The following LRCH1 variants were observed in gnomAD, a reference collection of about 807,000 sequenced individuals.
LRCH1 encodes leucine-rich repeat and calponin homology domain-containing protein 1.
In LRCH1, 23 loss-of-function variants were observed where a neutral mutation model predicts 94.9. That is an observed-to-expected ratio of 0.24 (90% confidence interval 0.17 to 0.34). The LOEUF (loss-of-function observed/expected upper bound fraction) is 0.34. Ranked by LOEUF, LRCH1 falls within the 10% of genes least tolerant of loss-of-function variation. LRCH1 has a pLI of 1.00. For missense variants in LRCH1, 790 were observed against 945.9 expected, an observed-to-expected ratio of 0.84 and a Z score of 2.16; for synonymous variants, 364 against 354.9, an observed-to-expected ratio of 1.03 and a Z score of -0.29.
intron 1 of LRCH1, among the ~76,000 whole-genome samples, chr13:46,599,647 TTAG>T (rs1346578254): frequency 2.0e-5 from 3 of 152,252 alleles, no homozygotes; most frequent in African/African-American, 7.2e-5. Flanking sequence ...ATTATTAAAC[TTAG>T]TAGCATTTAT....
rs181264804 is a variant in LRCH1 at position 46,593,055 on chromosome 13, C to T, written c.307+39352C>T. 3.8e-3 allele frequency among the ~76,000 whole-genome samples: 574 copies of T among 151,680 alleles called. 7 individuals carry two copies. Among genetic ancestry groups the T allele is most frequent in the African/African-American group, 0.012 (509 of 41,340 alleles). Reference sequence around the variant, plus strand: ...GCCCCAATGTAGCCTTTCCTGCTTGCCTTTAAACTGGGAGTAATATCCTCC... The same window carrying T: ...GCCCCAATGTAGCCTTTCCTGCTTGTCTTTAAACTGGGAGTAATATCCTCC... On this transcript the variant is annotated intron_variant, in intron 1 of 19. Transcript: ENST00000389797.
intron 1 of LRCH1, among the ~76,000 whole-genome samples, chr13:46,568,647 C>T (rs969066213): frequency 3.9e-5 from 6 of 152,044 alleles, no homozygotes; most frequent in East Asian, 1.9e-4. Context: ...GGAAGGAGTC[C>T]GTACCCTATG....
intron 3 of LRCH1, among the ~76,000 whole-genome samples, chr13:46,677,849 G>A (rs1016207345): frequency 1.3e-5 from 2 of 152,104 alleles, no homozygotes; most frequent in African/African-American, 4.8e-5. Context: ...CTATCAAAAA[G>A]AATAAATTCA....
At chr13:46,644,223 T>C (rs2051193242) in intron 1 of LRCH1, among the ~76,000 whole-genome samples, 1 of 152,220 alleles carries the variant, frequency 6.6e-6, no homozygotes, top group Admixed American at 6.5e-5. Flanking sequence ...GAAGCTCCAG[T>C]GTCAGGCATG....
intron 2 of LRCH1, among the ~76,000 whole-genome samples, chr13:46,667,316 A>T (rs1289128694): frequency 1.3e-5 from 2 of 152,160 alleles, no homozygotes. Flanking sequence ...TGAGCTCATC[A>T]GGTAGAGCTG....
chr13:46,642,408 G>A (rs981308792), intron 1 of LRCH1, among the ~76,000 whole-genome samples: 4 of 152,218 alleles, frequency 2.6e-5, no homozygotes, highest in African/African-American at 7.2e-5. Flanking sequence ...CCTTGGACAA[G>A]TTACCTAACC....
intron 3 of LRCH1, among the ~76,000 whole-genome samples, chr13:46,678,192 C>T (rs1383184724): frequency 1.3e-5 from 2 of 152,112 alleles, no homozygotes; most frequent in Non-Finnish European, 2.9e-5. Flanking sequence ...CAAAAGTGTT[C>T]TAGAGAACAA....
intron 11 of LRCH1, among the ~76,000 whole-genome samples, chr13:46,703,857 ATATAT>A (rs1344922257): frequency 2.0e-5 from 3 of 152,116 alleles, no homozygotes; most frequent in African/African-American, 7.2e-5. Flanking sequence ...CTGGAAGGAA[ATATAT>A]TAAGATGGAT....
chr13:46,729,920 C>T (rs891578652), intron 18 of LRCH1, among the ~76,000 whole-genome samples: 2 of 152,166 alleles, frequency 1.3e-5, no homozygotes, highest in Non-Finnish European at 2.9e-5. Context: ...GAATGAGACT[C>T]CTTAATGCGC....
chr13:46,664,316 T>G (rs2051487389), intron 2 of LRCH1, among the ~76,000 whole-genome samples: 1 of 152,204 alleles, frequency 6.6e-6, no homozygotes, highest in East Asian at 1.9e-4. Flanking sequence ...GGTATAAGAT[T>G]ATAATGGAGT....
chr13:46,601,742 C>G (rs1249973844), intron 1 of LRCH1, among the ~76,000 whole-genome samples: 1 of 152,144 alleles, frequency 6.6e-6, no homozygotes, highest in Non-Finnish European at 1.5e-5. Context: ...TTCTTTTTAC[C>G]CAGTCATGAT....
At chr13:46,642,222 A>G (rs1226919873) in intron 1 of LRCH1, among the ~76,000 whole-genome samples, 1 of 152,226 alleles carries the variant, frequency 6.6e-6, no homozygotes, top group Non-Finnish European at 1.5e-5. Flanking sequence ...ATGCCTGGTG[A>G]CCAGGCACCT....
chr13:46,623,323 T>C (rs79804116), intron 1 of LRCH1, among the ~76,000 whole-genome samples: 1,834 of 152,054 alleles, frequency 0.012, 31 homozygotes, highest in African/African-American at 0.042. Flanking sequence ...GGCATAGAGA[T>C]GGTAATGGTG....
At chr13:46,715,754 T>G (rs1593372384) in intron 16 of LRCH1, 90 bp downstream of exon 16, 2 of 789,484 alleles carry the variant, frequency 2.5e-6, no homozygotes, top group East Asian at 5.4e-5. Flanking sequence ...GAAGATAGAG[T>G]ATATTCACCT....
At chr13:46,695,618 C>T (rs1027463403) in intron 9 of LRCH1, among the ~76,000 whole-genome samples, 2 of 152,190 alleles carry the variant, frequency 1.3e-5, no homozygotes, top group African/African-American at 2.4e-5. Flanking sequence ...CGATTAGGTG[C>T]TTGGTATGTT....
At chr13:46,667,698 AT>A (rs200789317) in intron 2 of LRCH1, among the ~76,000 whole-genome samples, 36 of 151,848 alleles carry the variant, frequency 2.4e-4, no homozygotes, top group African/African-American at 6.5e-4. Context: ...AAAATAAAAA[AT>A]AAAGAATTTT....
At chr13:46,715,519 T>C in intron 15 of LRCH1, 41 bp from the exon 16 acceptor site, 1 of 1,191,658 alleles carries the variant, frequency 8.4e-7, no homozygotes, top group Non-Finnish European at 1.2e-6. Flanking sequence ...TCCTGGTCCT[T>C]GTGCAACTGT....
intron 11 of LRCH1, among the ~76,000 whole-genome samples, chr13:46,704,397 A>C (rs1309501369): frequency 6.6e-6 from 1 of 152,016 alleles, no homozygotes; most frequent in Non-Finnish European, 1.5e-5. Context: ...TTAGTTGGCT[A>C]TTGCTGTTCT....
exon 19 of LRCH1, chr13:46,750,724 T>C (rs1874092810): frequency 4.0e-6 from 4 of 992,282 alleles, no homozygotes; most frequent in Non-Finnish European, 6.1e-6. Flanking sequence ...AGGCACCTGT[T>C]CAACCCTCTC....
Sources: allele counts gnomAD v4.1 joint callset (sites outside exome capture counted in the v4.1 genomes callset), GRCh38; gene constraint gnomAD v4.1.1; transcripts MANE v1.5; gene names NCBI Gene and HGNC (gene_info 2026-07-23, HGNC 2026-07-21).